Variants in ADK observed in about 807,000 individuals in gnomAD.
ADK encodes N6,N6-dimethyladenosine kinase.
A neutral mutation model predicts 44.7 loss-of-function variants in ADK; 24 were observed. That is an observed-to-expected ratio of 0.54 (90% CI 0.39 to 0.76). ADK has a LOEUF of 0.76. Among genes scored for constraint, ADK ranks in the 30% least tolerant of loss-of-function variants. The pLI, the probability that ADK is intolerant of heterozygous loss-of-function variation, is 0.00. For missense variants in ADK, 321 were observed against 425.1 expected, an observed-to-expected ratio of 0.76 and a Z score of 2.15; for synonymous variants, 128 against 142.6, an observed-to-expected ratio of 0.90 and a Z score of 0.73.
chr10:74,621,458 T>A (rs1464805389), intron 9 of ADK, among the ~76,000 whole-genome samples: 1 of 152,180 alleles, frequency 6.6e-6, no homozygotes, highest in African/African-American at 2.4e-5. Context: ...TAACATGCTG[T>A]TTTGGTTACT....
chr10:74,645,832 C>T (rs1854034627), intron 9 of ADK, among the ~76,000 whole-genome samples: 1 of 152,136 alleles, frequency 6.6e-6, no homozygotes, highest in Admixed American at 6.6e-5. Flanking sequence ...GATTTCAAGG[C>T]TATGCAAATT....
chr10:74,426,593 AGAGGTAGAAGGGAGAGT>A (rs1477800262), intron 6 of ADK, among the ~76,000 whole-genome samples: 2 of 152,176 alleles, frequency 1.3e-5, no homozygotes, highest in African/African-American at 4.8e-5. Flanking sequence ...ATTAGTTACA[AGAGGTAGAAGGGAGAGT>A]GAGGTGGAAG....
intron 2 of ADK, among the ~76,000 whole-genome samples, chr10:74,204,461 G>T (rs1843516094): frequency 6.6e-6 from 1 of 151,910 alleles, no homozygotes; most frequent in Admixed American, 6.6e-5. Flanking sequence ...TTATATCCTG[G>T]GGATTACCCC....
At chr10:74,551,378 A>G (rs773182282) in intron 7 of ADK, 1 of 152,476 alleles carries the variant, frequency 6.6e-6, no homozygotes, top group Non-Finnish European at 1.5e-5. Context: ...AATGTTAACA[A>G]TAAAGAAAAT....
chr10:74,263,065 A>G (rs1354504978), intron 3 of ADK, among the ~76,000 whole-genome samples: 1 of 152,200 alleles, frequency 6.6e-6, no homozygotes, highest in Non-Finnish European at 1.5e-5. Context: ...TCATGGCTAA[A>G]TGGCCTGGTT....
intron 3 of ADK, among the ~76,000 whole-genome samples, chr10:74,289,561 T>C (rs1373301858): frequency 1.3e-5 from 2 of 152,200 alleles, no homozygotes; most frequent in East Asian, 3.8e-4. Context: ...GTTATGTTTT[T>C]GTTGAAAAAT....
At chr10:74,301,003 A>G (rs367768285) in intron 3 of ADK, among the ~76,000 whole-genome samples, 3 of 152,242 alleles carry the variant, frequency 2.0e-5, no homozygotes, top group East Asian at 1.9e-4. Flanking sequence ...TTAATCTGCA[A>G]TCTACATGCT....
intron 3 of ADK, among the ~76,000 whole-genome samples, chr10:74,236,355 A>G (rs1844958943): frequency 6.6e-6 from 1 of 152,226 alleles, no homozygotes; most frequent in African/African-American, 2.4e-5. Flanking sequence ...AGTAGATTGA[A>G]GGATGTTCTT....
At chr10:74,258,221 A>G (rs973203072) in intron 3 of ADK, among the ~76,000 whole-genome samples, 2 of 152,186 alleles carry the variant, frequency 1.3e-5, no homozygotes, top group Non-Finnish European at 2.9e-5. Context: ...ATTTGCTTAC[A>G]TAAGTTGGCA....
chr10:74,581,864 C>T (rs995222656), intron 7 of ADK, among the ~76,000 whole-genome samples: 8 of 152,076 alleles, frequency 5.3e-5, no homozygotes, highest in African/African-American at 1.2e-4. Context: ...CTTTTTCAGA[C>T]GTATAAAACC....
intron 6 of ADK, among the ~76,000 whole-genome samples, chr10:74,416,465 G>T (rs539526830): frequency 6.2e-4 from 95 of 152,058 alleles, no homozygotes; most frequent in Middle Eastern, 3.4e-3. Context: ...CTAAATAGTT[G>T]AAGACGTTCT....
intron 3 of ADK, among the ~76,000 whole-genome samples, chr10:74,305,102 T>C (rs1048277516): frequency 1.3e-5 from 2 of 152,174 alleles, no homozygotes; most frequent in African/African-American, 4.8e-5. Context: ...ATAATGTAAA[T>C]GCTGTGTAAG....
intron 7 of ADK, among the ~76,000 whole-genome samples, chr10:74,566,849 AAGAT>A (rs1850687480): frequency 1.3e-5 from 2 of 152,226 alleles, no homozygotes. Flanking sequence ...TTTTTATAGA[AAGAT>A]AGCAGTAGAA....
intron 4 of ADK, among the ~76,000 whole-genome samples, chr10:74,317,133 G>T (rs921496316): frequency 1.3e-5 from 2 of 152,094 alleles, no homozygotes; most frequent in Non-Finnish European, 2.9e-5. Context: ...AGATTTTAAT[G>T]AAACCATAGG....
chr10:74,673,824 G>A (rs1855280340), intron 10 of ADK, among the ~76,000 whole-genome samples: 1 of 152,146 alleles, frequency 6.6e-6, no homozygotes, highest in South Asian at 2.1e-4. Flanking sequence ...AACAGGAAGG[G>A]GAGCTGAAAG....
At chr10:74,362,216 ATGT>A (rs1262905677) in intron 4 of ADK, among the ~76,000 whole-genome samples, 4 of 151,508 alleles carry the variant, frequency 2.6e-5, no homozygotes, top group African/African-American at 9.7e-5. Context: ...TGCCCTTTTG[ATGT>A]TGTCCCATAG....
At chr10:74,372,480 TA>T (rs35720770) in intron 4 of ADK, 4,811 of 305,710 alleles carry the variant, frequency 0.016, no homozygotes, top group East Asian at 0.044. Context: ...AATGTCAGTT[TA>T]AAAAAAAAAA....
intron 9 of ADK, among the ~76,000 whole-genome samples, chr10:74,664,469 G>C (rs1444004224): frequency 6.6e-6 from 1 of 152,274 alleles, no homozygotes; most frequent in East Asian, 1.9e-4. Flanking sequence ...TTATAGCATA[G>C]CTTTTCATAT....
chr10:74,676,088 C>T (rs187741398), intron 10 of ADK, among the ~76,000 whole-genome samples: 4 of 150,298 alleles, frequency 2.7e-5, no homozygotes, highest in East Asian at 1.9e-4. Flanking sequence ...TTAAAAGCCA[C>T]GTATAGATTA....
Sources: gnomAD v4.1 joint callset for allele counts (sites outside exome capture counted in the v4.1 genomes callset) on GRCh38, gnomAD v4.1.1 for gene constraint, MANE v1.5 for transcripts, NCBI Gene and HGNC (gene_info 2026-07-23, HGNC 2026-07-21) for gene names.